Variants in SDK1 observed in about 807,000 individuals in gnomAD.
SDK1 encodes the protein protein sidekick-1.
A neutral mutation model predicts 245.5 loss-of-function variants in SDK1; 157 were observed. The ratio of observed to expected loss-of-function variants is 0.64; its 90% CI spans 0.56 to 0.73. The LOEUF is 0.73. Among genes scored for constraint, SDK1 ranks in the 30% least tolerant of loss-of-function variants. SDK1 has a pLI of 0.00. For missense variants in SDK1, 3,583 were observed against 3,002.3 expected, an observed-to-expected ratio of 1.19 and a Z score of -4.52; for synonymous variants, 1,647 against 1,278.5, an observed-to-expected ratio of 1.29 and a Z score of -6.15.
intron 35 of SDK1, among the ~76,000 whole-genome samples, chr7:4,198,643 C>T (rs1412261922): frequency 6.6e-6 from 1 of 152,182 alleles, no homozygotes; most frequent in Admixed American, 6.5e-5. Flanking sequence ...TCCCTCAAAG[C>T]TTAACATCCT....
intron 4 of SDK1, among the ~76,000 whole-genome samples, chr7:3,711,421 A>G (rs1162783301): frequency 6.6e-6 from 1 of 152,222 alleles, no homozygotes; most frequent in East Asian, 1.9e-4. Flanking sequence ...AAACAAATGA[A>G]TAAACAAGAT....
chr7:3,513,298 A>G (rs184086051), intron 1 of SDK1, among the ~76,000 whole-genome samples: 2 of 152,346 alleles, frequency 1.3e-5, no homozygotes, highest in East Asian at 3.9e-4. Context: ...AAGAGACAGT[A>G]ATAATGACAG....
At chr7:4,077,785 G>T (rs942701333) in intron 21 of SDK1, among the ~76,000 whole-genome samples, 3 of 152,174 alleles carry the variant, frequency 2.0e-5, no homozygotes, top group African/African-American at 7.2e-5. Flanking sequence ...CTGCCCCCAT[G>T]ATTCAGTTAC....
intron 32 of SDK1, 126 bp downstream of exon 32, chr7:4,161,982 G>A: frequency 1.3e-6 from 1 of 774,482 alleles, no homozygotes; most frequent in South Asian, 1.6e-5. Flanking sequence ...TAGAACCAAG[G>A]AGACACACCC....
chr7:3,534,476 G>A (rs1023667817), intron 1 of SDK1, among the ~76,000 whole-genome samples: 7 of 151,964 alleles, frequency 4.6e-5, no homozygotes, highest in Non-Finnish European at 8.8e-5. Flanking sequence ...TTTCCATAAC[G>A]GTTGTACAGT....
intron 1 of SDK1, among the ~76,000 whole-genome samples, chr7:3,593,881 GAAGAT>G (rs956905364): frequency 3.3e-5 from 5 of 152,278 alleles, no homozygotes; most frequent in South Asian, 2.1e-4. Context: ...GTAAAAGAAT[GAAGAT>G]AATAGCACTT....
Position 3,348,328 on chromosome 7 carries a change from T to C in SDK1, c.298+46444T>C, listed in dbSNP as rs188680859. Among the ~76,000 whole-genome samples, 18 of 152,268 alleles carry C rather than the reference T, an allele frequency of 1.2e-4. No individual in the cohort carries two copies. The East Asian group carries it at 3.5e-3, about 29-fold the overall frequency. On this transcript the variant is annotated intron_variant, in intron 1 of 44. Transcript: ENST00000404826. ...GACTCACAGTTGTTACGAAGGTAAG[T>C]GTGCAGTAAATGTGAGCCATTCATA...
At chr7:4,222,447 A>G (rs571932946) in intron 40 of SDK1, among the ~76,000 whole-genome samples, 131 of 152,216 alleles carry the variant, frequency 8.6e-4, no homozygotes, top group African/African-American at 3.0e-3. Flanking sequence ...GGCACCCGCC[A>G]TCACGCCCGG....
At chr7:3,490,883 A>G (rs546066555) in intron 1 of SDK1, among the ~76,000 whole-genome samples, 1 of 152,176 alleles carries the variant, frequency 6.6e-6, no homozygotes, top group African/African-American at 2.4e-5. Flanking sequence ...GACAGGGAGA[A>G]TGATAGATTT....
intron 6 of SDK1, 109 bp from the exon 7 acceptor site, chr7:3,951,621 C>T: frequency 1.1e-6 from 1 of 910,178 alleles, no homozygotes; most frequent in South Asian, 1.5e-5. Context: ...ACCCACCATG[C>T]ACCCTGGTAG....
At chr7:3,329,811 A>G (rs536248915) in intron 1 of SDK1, among the ~76,000 whole-genome samples, 1 of 152,362 alleles carries the variant, frequency 6.6e-6, no homozygotes, top group African/African-American at 2.4e-5. Flanking sequence ...TTTTGTCATT[A>G]TTCCCTAACC....
chr7:4,247,721 C>T (rs1253178017), intron 44 of SDK1, among the ~76,000 whole-genome samples: 1 of 152,218 alleles, frequency 6.6e-6, no homozygotes, highest in African/African-American at 2.4e-5. Flanking sequence ...TCACTGTGGG[C>T]CTGGCCCAGG....
chr7:3,566,826 A>G (rs1779935605), intron 1 of SDK1, among the ~76,000 whole-genome samples: 1 of 152,174 alleles, frequency 6.6e-6, no homozygotes, highest in South Asian at 2.1e-4. Flanking sequence ...ATAGGAAGAA[A>G]TCTTCAAGCT....
intron 35 of SDK1, among the ~76,000 whole-genome samples, chr7:4,194,685 A>T (rs912158761): frequency 1.3e-5 from 2 of 152,072 alleles, no homozygotes; most frequent in Non-Finnish European, 2.9e-5. Flanking sequence ...CACTCATTTC[A>T]CGTTTTTTCT....
At chr7:4,016,448 T>C (rs1786405987) in intron 16 of SDK1, among the ~76,000 whole-genome samples, 3 of 152,214 alleles carry the variant, frequency 2.0e-5, no homozygotes, top group East Asian at 1.9e-4. Flanking sequence ...GAGAAACATA[T>C]GCTAATCAAA....
At chr7:3,917,580 T>G (rs1432636129) in intron 5 of SDK1, among the ~76,000 whole-genome samples, 1 of 151,784 alleles carries the variant, frequency 6.6e-6, no homozygotes, top group African/African-American at 2.4e-5. Context: ...GAAGTGGGGG[T>G]GTGGGCAGTC....
At chr7:3,857,966 A>G (rs960521290) in intron 5 of SDK1, among the ~76,000 whole-genome samples, 7 of 152,218 alleles carry the variant, frequency 4.6e-5, no homozygotes, top group African/African-American at 1.7e-4. Context: ...GTGATATACC[A>G]TATACATGGA....
At chr7:3,709,558 G>C (rs181359968) in intron 4 of SDK1, among the ~76,000 whole-genome samples, 1 of 152,158 alleles carries the variant, frequency 6.6e-6, no homozygotes. Context: ...TTCTTTCAAA[G>C]GGTCTGTGGT....
chr7:4,185,733 T>C (rs635535), intron 35 of SDK1, among the ~76,000 whole-genome samples: 75,164 of 152,048 alleles, frequency 0.49, 21,262 homozygotes, highest in African/African-American at 0.78. Context: ...CTGAGTTCCA[T>C]GAGGGCAGGG....
Sources: gnomAD v4.1 joint callset for allele counts (sites outside exome capture counted in the v4.1 genomes callset) on GRCh38, gnomAD v4.1.1 for gene constraint, MANE v1.5 for transcripts, NCBI Gene and HGNC (gene_info 2026-07-23, HGNC 2026-07-21) for gene names.